Variants in KMT2C observed in about 807,000 individuals in gnomAD.
KMT2C encodes the protein histone-lysine N-methyltransferase 2C.
KMT2C carries 88 observed loss-of-function variants against 507.9 expected under a neutral mutation model. The ratio of observed to expected loss-of-function variants is 0.17; its 90% CI spans 0.15 to 0.21. The LOEUF is 0.21. KMT2C is among the 10% of genes least tolerant of loss of function. KMT2C has a pLI of 1.00. For missense variants in KMT2C, 4,954 were observed against 5,957.8 expected, an observed-to-expected ratio of 0.83 and a Z score of 5.55; for synonymous variants, 2,049 against 2,080.8, an observed-to-expected ratio of 0.98 and a Z score of 0.42.
At chr7:152,344,822 C>T (rs1388853909) in intron 2 of KMT2C, among the ~76,000 whole-genome samples, 3 of 151,950 alleles carry the variant, frequency 2.0e-5, no homozygotes, top group African/African-American at 7.3e-5. Flanking sequence ...ACCGTCTCTA[C>T]TAAAAATATT....
intron 6 of KMT2C, among the ~76,000 whole-genome samples, chr7:152,304,578 A>T (rs1239763895): frequency 6.6e-6 from 1 of 152,262 alleles, no homozygotes; most frequent in Non-Finnish European, 1.5e-5. Context: ...TTGAAAAGTC[A>T]CTGCATTCTC....
In KMT2C at chr7:152,178,015, T is replaced by TAAAAAAAAA. The variant is rs746018833; in HGVS notation, c.7443-14_7443-6dup. The TAAAAAAAAA allele has an allele frequency of 3.8e-5, 31 of 811,044 alleles. 1 individual carries two copies. The African/African-American group carries it at 4.3e-4, about 11-fold the overall frequency. 50.2% of individuals were successfully genotyped at this position (811,044 alleles called of 1,614,324 possible). A position where few individuals can be genotyped will look rare whatever the true frequency, so the allele number is the denominator to read the frequency against. ...CTACCTCCTGGAAATCCAAATCTTT[T>TAAAAAAAAA]AAAAAAAAAAAAAAAAAAAAAAAAA... On this transcript the variant is annotated splice_polypyrimidine_tract_variant and splice_region_variant and intron_variant, in intron 37 of 58. Transcript: ENST00000262189.
At chr7:152,321,511 T>C (rs985791847) in intron 3 of KMT2C, among the ~76,000 whole-genome samples, 1 of 151,808 alleles carries the variant, frequency 6.6e-6, no homozygotes, top group African/African-American at 2.4e-5. Flanking sequence ...TGATCTTATA[T>C]ATGGAAAACC....
chr7:152,191,216 C>T (rs2093781799), intron 31 of KMT2C, among the ~76,000 whole-genome samples: 1 of 152,170 alleles, frequency 6.6e-6, no homozygotes, highest in Admixed American at 6.5e-5. Context: ...TGACTAACTG[C>T]AACTGCCTGT....
At chr7:152,141,713 A>C (rs1431277163) in intron 55 of KMT2C, among the ~76,000 whole-genome samples, 1 of 113,130 alleles carries the variant, frequency 8.8e-6, no homozygotes, top group Non-Finnish European at 1.7e-5. Flanking sequence ...ACTCTGTCTC[A>C]AAAAAAAAAA....
At chr7:152,290,093 T>C (rs949266204) in intron 6 of KMT2C, among the ~76,000 whole-genome samples, 8 of 151,192 alleles carry the variant, frequency 5.3e-5, no homozygotes, top group African/African-American at 9.7e-5. Flanking sequence ...ACCGTATCAA[T>C]AGTTGGAATA....
At chr7:152,337,673 A>T (rs2129217058) in intron 2 of KMT2C, among the ~76,000 whole-genome samples, 1 of 152,244 alleles carries the variant, frequency 6.6e-6, no homozygotes, top group East Asian at 1.9e-4. Context: ...GTCATTTAAG[A>T]CAGACAATAC....
chr7:152,203,250 T>C (rs1366362733), intron 25 of KMT2C, among the ~76,000 whole-genome samples, 186 bp from the exon 26 acceptor site: 1 of 152,118 alleles, frequency 6.6e-6, no homozygotes, highest in Non-Finnish European at 1.5e-5. Flanking sequence ...TCATGTCTAC[T>C]TAGTATTAGC....
At chr7:152,146,916 T>G (rs1038342393) in intron 52 of KMT2C, among the ~76,000 whole-genome samples, 181 bp from the exon 53 acceptor site, 5 of 152,146 alleles carry the variant, frequency 3.3e-5, no homozygotes, top group African/African-American at 1.2e-4. Context: ...TGGCAGCAAT[T>G]TTTTTTAAAG....
At chr7:152,416,547 C>CA (rs1280969285) in intron 1 of KMT2C, among the ~76,000 whole-genome samples, 72 of 79,340 alleles carry the variant, frequency 9.1e-4, no homozygotes, top group Admixed American at 1.5e-3. Context: ...AGACTCATCT[C>CA]AAAAAAAAAC....
chr7:152,341,656 A>G (rs959013048), intron 2 of KMT2C, among the ~76,000 whole-genome samples: 22 of 152,358 alleles, frequency 1.4e-4, no homozygotes, highest in Middle Eastern at 3.4e-3. Context: ...ACCACAGTAT[A>G]TAATTTTAAA....
chr7:152,287,651 G>A (rs1298832486), intron 6 of KMT2C, among the ~76,000 whole-genome samples: 2 of 152,088 alleles, frequency 1.3e-5, no homozygotes, highest in African/African-American at 4.8e-5. Context: ...TGAAAATATA[G>A]TCAAAAGGTG....
intron 14 of KMT2C, among the ~76,000 whole-genome samples, chr7:152,241,540 C>T (rs186712429): frequency 7.6e-4 from 116 of 152,296 alleles, no homozygotes; most frequent in African/African-American, 2.6e-3. Flanking sequence ...ATTTTCTCAA[C>T]AGCAGACCTT....
intron 1 of KMT2C, among the ~76,000 whole-genome samples, chr7:152,363,893 A>G (rs974747049): frequency 6.6e-6 from 1 of 152,208 alleles, no homozygotes; most frequent in Admixed American, 6.5e-5. Context: ...CAGAAGAACA[A>G]TTCCCAGAGC....
At chr7:152,410,194 GA>G (rs5888474) in intron 1 of KMT2C, among the ~76,000 whole-genome samples, 2,014 of 65,534 alleles carry the variant, frequency 0.031, no homozygotes, top group Non-Finnish European at 0.035. Context: ...GACAGATCAC[GA>G]GGTCAGCAAT....
chr7:152,316,001 G>A (rs1040947720), intron 3 of KMT2C, among the ~76,000 whole-genome samples: 1 of 152,092 alleles, frequency 6.6e-6, no homozygotes, highest in Admixed American at 6.6e-5. Context: ...AAAACATATG[G>A]TGACAGTTTT....
At position 152,148,676 on chromosome 7, in the gene KMT2C, T is replaced by C. The variant is rs756969487; in HGVS notation, c.13251A>G (p.Ala4417=). 6.8e-6 allele frequency: 11 copies of C among 1,614,192 alleles called. No individual in the cohort carries two copies. Among genetic ancestry groups the C allele is most frequent in the Non-Finnish European group, 9.3e-6 (11 of 1,180,026 alleles). ...GATCCAAGTCAAGGTTGAGTAGCCT[T>C]GCTGGTCCATCTGTCAATCCATCAC... ...EEGDGLTDGP[A]RLLNLDLDLW... Residue 4417 remains alanine (A), a synonymous_variant, in exon 52 of 59, where the codon GCA becomes GCG. Coordinates refer to ENST00000262189, the MANE Select transcript of KMT2C (RefSeq NM_170606.3). The surrounding 1 kb of genome is among the most constrained non-coding windows in gnomAD (Gnocchi z 7.1).
rs1471456029 is a variant in KMT2C, at chr7:152,163,137, C to T, written c.10440G>A (p.Gly3480=). ...QQSPQHQQQM[G]QVLQQQNIQQ... ...GTATATTCTGCTGCTGTAAAACCTGCCCCATTTGCTGTTGGTGTTGTGGAG... is the reference window on the plus strand; with the variant it reads ...GTATATTCTGCTGCTGTAAAACCTGTCCCATTTGCTGTTGGTGTTGTGGAG... Residue 3480 remains glycine (G), a synonymous_variant, in exon 43 of 59, where the codon GGG becomes GGA. Coordinates refer to ENST00000262189, the MANE Select transcript of KMT2C (RefSeq NM_170606.3). The T allele has an allele frequency of 2.5e-6, 4 of 1,614,162 alleles. No homozygotes were observed. The South Asian group carries it at 3.3e-5, about 13-fold the overall frequency.
intron 27 of KMT2C, 111 bp downstream of exon 27, chr7:152,199,168 G>C: frequency 1.2e-6 from 1 of 810,448 alleles, no homozygotes; most frequent in Admixed American, 3.5e-5. Flanking sequence ...CAATGCTGTT[G>C]ATTTTTAAAA....
Sources: allele counts gnomAD v4.1 joint callset (sites outside exome capture counted in the v4.1 genomes callset), GRCh38; gene constraint gnomAD v4.1.1; non-coding constraint Gnocchi (gnomAD v3.1); transcripts MANE v1.5; gene names NCBI Gene and HGNC (gene_info 2026-07-23, HGNC 2026-07-21).